Variants in DSCAML1 observed in about 807,000 individuals in gnomAD.
DSCAML1 encodes the protein cell adhesion molecule DSCAML1.
A neutral mutation model predicts 200.5 loss-of-function variants in DSCAML1; 38 were observed. That is an observed-to-expected ratio of 0.19 (90% CI 0.15 to 0.25). The LOEUF is 0.25. Ranked by LOEUF, DSCAML1 falls within the 10% of genes least tolerant of loss-of-function variation. The pLI, the probability that DSCAML1 is intolerant of heterozygous loss-of-function variation, is 1.00. For missense variants in DSCAML1, 2,223 were observed against 2,858.8 expected (o/e 0.78, Z 5.07); for synonymous variants, 1,215 against 1,165.0 (o/e 1.04, Z -0.87).
At chr11:117,536,783 G>C (rs2050179082) in intron 3 of DSCAML1, among the ~76,000 whole-genome samples, 1 of 152,156 alleles carries the variant, frequency 6.6e-6, no homozygotes, top group African/African-American at 2.4e-5. Flanking sequence ...CTTATGACTA[G>C]GGGAGTGGTT....
rs367580583 is a variant in DSCAML1 at position 117,522,804 on chromosome 11, G to C, written c.938-1399C>G. 1.1e-4 allele frequency among the ~76,000 whole-genome samples: 17 copies of C among 152,250 alleles called. No individual in the cohort carries two copies. The South Asian group carries it at 1.2e-3, about 11-fold the overall frequency. On this transcript the variant is annotated intron_variant, in intron 5 of 32. Transcript: ENST00000651296. The stretch of plus-strand genomic sequence containing the variant: ...GGTGGGGGGCTTCGTGGAGGAGTAG[G>C]GGGTATGGAAAGCATTGCTTTCCTC...
chr11:117,667,502 C>T (rs547027338), intron 3 of DSCAML1, among the ~76,000 whole-genome samples: 53 of 152,290 alleles, frequency 3.5e-4, no homozygotes, highest in Non-Finnish European at 1.8e-4. Context: ...CCAGGGTGGC[C>T]GGGGCTGGGG....
At chr11:117,542,895 T>C (rs1025636813) in intron 3 of DSCAML1, among the ~76,000 whole-genome samples, 4 of 152,180 alleles carry the variant, frequency 2.6e-5, no homozygotes, top group African/African-American at 9.6e-5. Flanking sequence ...AGCTGTTTCC[T>C]CCAACCCTGC....
chr11:117,613,524 C>T (rs1212633305), intron 3 of DSCAML1, among the ~76,000 whole-genome samples: 2 of 152,082 alleles, frequency 1.3e-5, no homozygotes, highest in African/African-American at 2.4e-5. Context: ...AGTCCTCTAC[C>T]GAGAACAAGA....
chr11:117,542,963 G>A (rs1849351990), intron 3 of DSCAML1, among the ~76,000 whole-genome samples: 1 of 152,240 alleles, frequency 6.6e-6, no homozygotes, highest in Non-Finnish European at 1.5e-5. Flanking sequence ...TTCCCCGTGA[G>A]GTGGACTTCT....
At chr11:117,737,686 C>T (rs2054343833) in intron 3 of DSCAML1, among the ~76,000 whole-genome samples, 1 of 152,220 alleles carries the variant, frequency 6.6e-6, no homozygotes, top group Non-Finnish European at 1.5e-5. Context: ...CAATGACATC[C>T]TATAATCCAG....
Position 117,504,138 on chromosome 11 carries a change from C to T in DSCAML1, c.2183-117G>A. 1 of 1,230,480 alleles carries T rather than the reference C, an allele frequency of 8.1e-7. No homozygotes were observed. Among genetic ancestry groups the T allele is most frequent in the Non-Finnish European group, 1.1e-6 (1 of 883,706 alleles). The allele number at this position is 1,230,480 out of a possible 1,614,324, so 76.2% of individuals were successfully genotyped here. On this transcript the variant is annotated intron_variant, in intron 10 of 32. Transcript: ENST00000651296. The surrounding 1 kb of genome is among the most constrained non-coding windows in gnomAD (Gnocchi z 5.0). ...GATCTAGGGCCATTTTGTAGCAGAG[C>T]TGCACCATCCCCAAAGTGCTGAGGC...
At chr11:117,713,142 G>T (rs1417538337) in intron 3 of DSCAML1, among the ~76,000 whole-genome samples, 1 of 152,068 alleles carries the variant, frequency 6.6e-6, no homozygotes, top group African/African-American at 2.4e-5. Flanking sequence ...TGTCTCCCAG[G>T]CTAGAATGTA....
intron 18 of DSCAML1, 114 bp from the exon 19 acceptor site, chr11:117,459,023 C>A: frequency 7.2e-7 from 1 of 1,380,338 alleles, no homozygotes; most frequent in Non-Finnish European, 9.9e-7. Flanking sequence ...GCCCTCGACT[C>A]CATGGTGGCG....
At chr11:117,550,679 T>C (rs981337644) in intron 3 of DSCAML1, among the ~76,000 whole-genome samples, 13 of 152,216 alleles carry the variant, frequency 8.5e-5, no homozygotes, top group Non-Finnish European at 1.6e-4. Context: ...CACCTTGGCA[T>C]TGGCCAGCGT....
rs779371064 is a variant in DSCAML1, at chr11:117,430,705, G to A, written c.5686+17C>T. ...GGGGCGGGGGGGCACTGCCTGGGAG[G>A]TGGTCTGAGCACTCACTCTTGTTGG... On this transcript the variant is annotated intron_variant, in intron 32 of 32. Coordinates refer to ENST00000651296, the MANE Select transcript of DSCAML1 (RefSeq NM_020693.4). 8.1e-6 allele frequency: 13 copies of A among 1,597,662 alleles called. No homozygotes were observed. The highest frequency in any genetic ancestry group is 1.1e-5 in the Non-Finnish European group (13 of 1,171,414).
chr11:117,740,921 C>T (rs950091830), intron 3 of DSCAML1, among the ~76,000 whole-genome samples: 1 of 152,204 alleles, frequency 6.6e-6, no homozygotes, highest in Non-Finnish European at 1.5e-5. Context: ...TGCATGAGAA[C>T]AGCAGCTCCC....
intron 27 of DSCAML1, 140 bp from the exon 28 acceptor site, chr11:117,433,611 T>G (rs2047849356): frequency 1.2e-6 from 1 of 856,878 alleles, no homozygotes; most frequent in Non-Finnish European, 1.7e-6. Context: ...GAAGGAGAAA[T>G]GTAAGGACCT....
At chr11:117,676,446 T>C (rs1565868568) in intron 3 of DSCAML1, among the ~76,000 whole-genome samples, 1 of 152,218 alleles carries the variant, frequency 6.6e-6, no homozygotes. Context: ...GGGAGATATC[T>C]GGTTTCTCCT....
chr11:117,548,133 G>A, intron 3 of DSCAML1, among the ~76,000 whole-genome samples: 1 of 152,168 alleles, frequency 6.6e-6, no homozygotes, highest in African/African-American at 2.4e-5. Context: ...AGCGGCCGCT[G>A]TCGCCCCAGC....
intron 3 of DSCAML1, among the ~76,000 whole-genome samples, chr11:117,734,332 G>A (rs1173313935): frequency 6.6e-6 from 1 of 152,168 alleles, no homozygotes; most frequent in African/African-American, 2.4e-5. Flanking sequence ...GATGGAAAAG[G>A]TGGGGAGAGA....
intron 3 of DSCAML1, among the ~76,000 whole-genome samples, chr11:117,542,518 T>C (rs1162723956): frequency 6.6e-6 from 1 of 152,162 alleles, no homozygotes; most frequent in Non-Finnish European, 1.5e-5. Flanking sequence ...AAGCCCTGTG[T>C]CCAGGCACCA....
intron 3 of DSCAML1, among the ~76,000 whole-genome samples, chr11:117,659,719 A>G (rs1164700112): frequency 6.9e-6 from 1 of 145,434 alleles, no homozygotes; most frequent in Non-Finnish European, 1.5e-5. Context: ...TGCCTCACAC[A>G]TTTTTTTTTT....
chr11:117,699,055 C>T (rs958148202), intron 3 of DSCAML1, among the ~76,000 whole-genome samples: 5 of 152,218 alleles, frequency 3.3e-5, no homozygotes, highest in African/African-American at 9.7e-5. Flanking sequence ...GCTTGAATTC[C>T]TAAATCTGTG....
Sources: gnomAD v4.1 joint callset for allele counts (sites outside exome capture counted in the v4.1 genomes callset) on GRCh38, gnomAD v4.1.1 for gene constraint, Gnocchi (gnomAD v3.1) non-coding constraint, MANE v1.5 for transcripts, NCBI Gene and HGNC (gene_info 2026-07-23, HGNC 2026-07-21) for gene names.